Variants in PKNOX2 observed in about 807,000 individuals in gnomAD.
The protein encoded by PKNOX2 is PBX/knotted 1 homeobox 2, also known as homeobox protein PKNOX2.
PKNOX2 carries 14 observed loss-of-function variants against 53.1 expected under a neutral mutation model. The observed-to-expected ratio is 0.26, with a 90% CI of 0.17 to 0.41. PKNOX2 has a LOEUF of 0.41. Ranked by LOEUF, PKNOX2 falls within the 10% of genes least tolerant of loss-of-function variation. The probability of loss-of-function intolerance (pLI) is 1.00; values close to 1 mark genes in which losing one functional copy is unlikely to be tolerated. For missense variants in PKNOX2, 496 were observed against 602.8 expected (o/e 0.82, Z 1.85); for synonymous variants, 257 against 242.8 (o/e 1.06, Z -0.54).
At chr11:125,248,766 G>A (rs1310658696) in intron 2 of PKNOX2, among the ~76,000 whole-genome samples, 1 of 147,518 alleles carries the variant, frequency 6.8e-6, no homozygotes, top group Non-Finnish European at 1.5e-5. Context: ...TACTGTACCA[G>A]TATATGGTGT....
chr11:125,343,233 T>C (rs1397651108), intron 3 of PKNOX2, among the ~76,000 whole-genome samples: 2 of 152,096 alleles, frequency 1.3e-5, no homozygotes, highest in Non-Finnish European at 2.9e-5. Context: ...GACACAATAG[T>C]CATGGCCTCT....
chr11:125,397,912 G>A lies in PKNOX2; in HGVS notation c.438G>A (p.Leu146=), dbSNP rs113674136. 9 of 1,613,676 alleles carry A rather than the reference G, an allele frequency of 5.6e-6. No homozygotes were observed. The highest frequency in any genetic ancestry group is 1.6e-4 in the Middle Eastern group (1 of 6,084). ...TCCAGGTCCTGAGAATCCACCTGCT[G>A]GAGCTGGAGAAAGTCAATGAACTCT... The part of the protein sequence containing the change: ...KAIQVLRIHL[L]ELEKVNELCK... The change falls in exon 7 of 13, where the codon CTG becomes CTA. Residue 146 remains leucine, a synonymous_variant. Coordinates refer to ENST00000298282, the MANE Select transcript of PKNOX2 (RefSeq NM_001382323.2).
intron 3 of PKNOX2, among the ~76,000 whole-genome samples, chr11:125,334,403 T>G (rs1258780562): frequency 1.3e-5 from 2 of 152,124 alleles, no homozygotes; most frequent in Non-Finnish European, 2.9e-5. Context: ...GGGAACAGCA[T>G]TTGTTTTATC....
At chr11:125,262,220 G>A (rs182059308) in intron 2 of PKNOX2, among the ~76,000 whole-genome samples, 15 of 152,176 alleles carry the variant, frequency 9.9e-5, no homozygotes, top group Admixed American at 3.9e-4. Flanking sequence ...AGGCGGCGGT[G>A]GGGGGGTGGT....
intron 5 of PKNOX2, among the ~76,000 whole-genome samples, chr11:125,371,419 C>A (rs1218003155): frequency 6.6e-6 from 1 of 152,078 alleles, no homozygotes; most frequent in Non-Finnish European, 1.5e-5. Context: ...AACCACAAGC[C>A]CCACCCGCCC....
At chr11:125,354,839 A>C (rs890858087) in intron 4 of PKNOX2, among the ~76,000 whole-genome samples, 3 of 152,230 alleles carry the variant, frequency 2.0e-5, no homozygotes, top group South Asian at 2.1e-4. Context: ...GGCACAAGCC[A>C]AGTGATACGA....
intron 10 of PKNOX2, among the ~76,000 whole-genome samples, chr11:125,421,877 C>A (rs750421775): frequency 6.6e-6 from 1 of 152,196 alleles, no homozygotes; most frequent in African/African-American, 2.4e-5. Flanking sequence ...CTTACACCTT[C>A]TTGGGGTATG....
intron 1 of PKNOX2, among the ~76,000 whole-genome samples, chr11:125,183,342 G>A (rs1453778077): frequency 8.9e-6 from 1 of 111,812 alleles, no homozygotes; most frequent in Non-Finnish European, 1.9e-5. Context: ...TCAGCCTCCC[G>A]AGTAGCTGGG....
intron 6 of PKNOX2, among the ~76,000 whole-genome samples, chr11:125,387,030 C>CGTTTCCCTG (rs1261171438): frequency 1.3e-5 from 2 of 152,176 alleles, no homozygotes; most frequent in Non-Finnish European, 2.9e-5. Context: ...CTGGGGCATC[C>CGTTTCCCTG]GTTTCCCTGG....
At chr11:125,428,554 GCA>G (rs1956542830) in intron 10 of PKNOX2, among the ~76,000 whole-genome samples, 1 of 152,124 alleles carries the variant, frequency 6.6e-6, no homozygotes, top group East Asian at 1.9e-4. Context: ...ATAAATCTGG[GCA>G]CATAGTAGAT....
intron 1 of PKNOX2, among the ~76,000 whole-genome samples, chr11:125,230,542 G>C (rs7107770): frequency 0.18 from 27,010 of 152,128 alleles, 2,520 homozygotes; most frequent in African/African-American, 0.22. Flanking sequence ...CTTCTGGAAG[G>C]TTGGCTTATA....
chr11:125,175,257 AAGGAAGG>A (rs1955631382), intron 1 of PKNOX2, among the ~76,000 whole-genome samples: 4 of 151,676 alleles, frequency 2.6e-5, no homozygotes, highest in Admixed American at 6.6e-5. Flanking sequence ...GGAAAGAAGG[AAGGAAGG>A]AGGGAGAGCT....
At chr11:125,418,247 A>G (rs1955992726) in intron 10 of PKNOX2, among the ~76,000 whole-genome samples, 1 of 152,012 alleles carries the variant, frequency 6.6e-6, no homozygotes, top group African/African-American at 2.4e-5. Context: ...TCTCATGTCT[A>G]GCTTCTTTTA....
chr11:125,368,905 C>T (rs971785969), intron 5 of PKNOX2, among the ~76,000 whole-genome samples: 12 of 152,224 alleles, frequency 7.9e-5, no homozygotes, highest in African/African-American at 2.4e-4. Flanking sequence ...GACCCTTGCT[C>T]ATATTCCCTT....
chr11:125,319,764 G>A (rs920614629), intron 2 of PKNOX2, among the ~76,000 whole-genome samples: 5 of 152,254 alleles, frequency 3.3e-5, no homozygotes, highest in African/African-American at 7.2e-5. Flanking sequence ...GAGTTGAGAT[G>A]TGAAAGCAAA....
rs372145517 is a variant in PKNOX2 at position 125,431,397 on chromosome 11, G to A, written c.*5G>A. On this transcript the variant is annotated 3_prime_UTR_variant, in exon 13 of 13. Transcript: ENST00000298282. ...CACAGTGACTCCCTGGAGTAGTCGG[G>A]CAGCCCAGATGGCACTGATCACTGA... The A allele has an allele frequency of 2.2e-4, 355 of 1,581,946 alleles. 1 individual carries two copies. The highest frequency in any genetic ancestry group is 2.7e-4 in the Non-Finnish European group (312 of 1,161,264).
intron 2 of PKNOX2, among the ~76,000 whole-genome samples, chr11:125,272,715 T>G (rs776245898): frequency 6.6e-6 from 1 of 152,178 alleles, no homozygotes; most frequent in African/African-American, 2.4e-5. Flanking sequence ...AACAGCCGCC[T>G]TCTTTGTGGG....
chr11:125,196,475 C>T (rs528950091), intron 1 of PKNOX2, among the ~76,000 whole-genome samples: 57 of 152,310 alleles, frequency 3.7e-4, no homozygotes, highest in African/African-American at 1.3e-3. Context: ...ATCATGGGAG[C>T]TCCCAACATC....
At chr11:125,344,977 C>A (rs1228828668) in intron 3 of PKNOX2, among the ~76,000 whole-genome samples, 1 of 152,112 alleles carries the variant, frequency 6.6e-6, no homozygotes, top group African/African-American at 2.4e-5. Flanking sequence ...GTACAAACTC[C>A]CTCCCTGGCT....
Sources: allele counts gnomAD v4.1 joint callset (sites outside exome capture counted in the v4.1 genomes callset), GRCh38; gene constraint gnomAD v4.1.1; transcripts MANE v1.5; gene names NCBI Gene and HGNC (gene_info 2026-07-23, HGNC 2026-07-21).